The following TBC1D22A variants were observed in gnomAD, a reference collection of about 807,000 sequenced individuals.
The protein encoded by TBC1D22A is putative GTPase activator.
Under a neutral mutation model 60.2 loss-of-function variants are expected in TBC1D22A, and 38 were observed. The ratio of observed to expected loss-of-function variants is 0.63; its 90% CI spans 0.49 to 0.83. TBC1D22A has a LOEUF of 0.83. Ranked by LOEUF, TBC1D22A falls within the 40% of genes least tolerant of loss-of-function variation. The probability of loss-of-function intolerance (pLI) is 0.00; values close to 1 mark genes in which losing one functional copy is unlikely to be tolerated. For synonymous variants in TBC1D22A, 302 were observed against 281.7 expected (o/e 1.07, Z -0.72); for missense variants, 628 against 701.0 (o/e 0.90, Z 1.18).
intron 8 of TBC1D22A, among the ~76,000 whole-genome samples, chr22:46,923,667 C>T (rs1009322283): frequency 1.3e-5 from 2 of 152,378 alleles, no homozygotes; most frequent in East Asian, 1.9e-4. Context: ...AGGCAGCCGC[C>T]GTACCACTGT....
At chr22:46,768,441 C>T (rs956879182) in intron 1 of TBC1D22A, among the ~76,000 whole-genome samples, 3 of 147,394 alleles carry the variant, frequency 2.0e-5, no homozygotes, top group Admixed American at 1.4e-4. Context: ...GCCAAGGTCG[C>T]GCCACCGCCC....
intron 4 of TBC1D22A, among the ~76,000 whole-genome samples, chr22:46,856,658 C>G (rs1337650474): frequency 6.6e-6 from 1 of 152,114 alleles, no homozygotes; most frequent in Non-Finnish European, 1.5e-5. Context: ...TGGTACCAGA[C>G]GTGCAGATTA....
At chr22:46,968,372 A>G (rs186502068) in intron 8 of TBC1D22A, among the ~76,000 whole-genome samples, 1 of 152,348 alleles carries the variant, frequency 6.6e-6, no homozygotes, top group Non-Finnish European at 1.5e-5. Flanking sequence ...GCAGCGTGGC[A>G]TGGACCCCAC....
intron 11 of TBC1D22A, among the ~76,000 whole-genome samples, chr22:47,047,091 G>A (rs566763269): frequency 6.6e-6 from 1 of 152,328 alleles, no homozygotes; most frequent in African/African-American, 2.4e-5. Context: ...GCTTGGTTTC[G>A]TTTGCTGTGA....
chr22:47,055,637 G>A (rs1217364975), intron 11 of TBC1D22A, among the ~76,000 whole-genome samples: 1 of 152,110 alleles, frequency 6.6e-6, no homozygotes, highest in Non-Finnish European at 1.5e-5. Context: ...GTGTGGGGAG[G>A]CAGAGAGGTG....
chr22:47,125,713 A>G (rs1177713614), intron 12 of TBC1D22A, among the ~76,000 whole-genome samples: 1 of 152,200 alleles, frequency 6.6e-6, no homozygotes, highest in Non-Finnish European at 1.5e-5. Flanking sequence ...AAGGCAAGAG[A>G]AATTTGGGCC....
intron 10 of TBC1D22A, among the ~76,000 whole-genome samples, chr22:47,027,743 G>A (rs1569354615): frequency 6.6e-6 from 1 of 152,150 alleles, no homozygotes; most frequent in Non-Finnish European, 1.5e-5. Flanking sequence ...CAAATAAATC[G>A]GACCTTACCA....
At chr22:46,784,442 T>C (rs147068542) in intron 1 of TBC1D22A, among the ~76,000 whole-genome samples, 203 of 152,360 alleles carry the variant, frequency 1.3e-3, no homozygotes, top group Non-Finnish European at 2.3e-3. Context: ...TTTTAAAATA[T>C]CTTTAGTTGT....
At chr22:46,864,062 G>T (rs767204367) in intron 4 of TBC1D22A, among the ~76,000 whole-genome samples, 1 of 152,178 alleles carries the variant, frequency 6.6e-6, no homozygotes, top group African/African-American at 2.4e-5. Context: ...CATTTGTCCA[G>T]CACCTTTCCT....
At chr22:46,944,336 T>A (rs2072373436) in intron 8 of TBC1D22A, among the ~76,000 whole-genome samples, 1 of 152,264 alleles carries the variant, frequency 6.6e-6, no homozygotes, top group South Asian at 2.1e-4. Context: ...TTACATTTGA[T>A]ACTGATTGGA....
intron 11 of TBC1D22A, among the ~76,000 whole-genome samples, chr22:47,053,069 G>A (rs1212054763): frequency 6.6e-6 from 1 of 152,160 alleles, no homozygotes; most frequent in Non-Finnish European, 1.5e-5. Flanking sequence ...TTCACTGTGT[G>A]TGAGTGCTGC....
intron 10 of TBC1D22A, among the ~76,000 whole-genome samples, chr22:47,018,492 G>A (rs964419139): frequency 2.6e-5 from 4 of 152,026 alleles, no homozygotes; most frequent in Admixed American, 1.3e-4. Context: ...CGTTCGGCTC[G>A]GCTGTCCTGC....
intron 4 of TBC1D22A, among the ~76,000 whole-genome samples, chr22:46,874,595 G>C (rs1484368154): frequency 1.7e-5 from 1 of 59,850 alleles, no homozygotes; most frequent in Non-Finnish European, 2.9e-5. Context: ...TTTTTTTTGA[G>C]ACAAAGTCTT....
intron 9 of TBC1D22A, among the ~76,000 whole-genome samples, chr22:46,995,853 C>T (rs1011198960): frequency 2.0e-5 from 3 of 152,190 alleles, no homozygotes; most frequent in African/African-American, 4.8e-5. Context: ...GAGGCTGCCA[C>T]ACCACTCTCT....
At chr22:47,161,330 G>A (rs1281662286) in intron 12 of TBC1D22A, among the ~76,000 whole-genome samples, 5 of 98,056 alleles carry the variant, frequency 5.1e-5, no homozygotes, top group African/African-American at 2.5e-4. Flanking sequence ...GCTGCCGTGA[G>A]TCTCTTGGTA....
intron 4 of TBC1D22A, among the ~76,000 whole-genome samples, chr22:46,860,739 A>G (rs964602080): frequency 2.0e-5 from 3 of 152,070 alleles, no homozygotes; most frequent in Non-Finnish European, 4.4e-5. Flanking sequence ...CGTCCTGGAG[A>G]CTGGCTCTGG....
intron 7 of TBC1D22A, among the ~76,000 whole-genome samples, chr22:46,897,065 A>G (rs539680861): frequency 5.0e-4 from 76 of 152,172 alleles, no homozygotes; most frequent in Admixed American, 3.9e-4. Flanking sequence ...AATTTCCCCT[A>G]TGAAGCGTCT....
intron 12 of TBC1D22A, among the ~76,000 whole-genome samples, chr22:47,158,690 G>C (rs1204590975): frequency 6.6e-6 from 1 of 152,136 alleles, no homozygotes; most frequent in South Asian, 2.1e-4. Context: ...CACAGCTCTG[G>C]TTTCTTCGGC....
chr22:47,093,087 G>A lies in TBC1D22A; in HGVS notation c.1330-18421G>A, dbSNP rs943213318. 2.0e-5 allele frequency among the ~76,000 whole-genome samples: 3 copies of A among 152,352 alleles called. No homozygotes were observed. In the East Asian group the frequency reaches 5.8e-4, roughly 29 times the overall value. On this transcript the variant is annotated intron_variant, in intron 11 of 12. Transcript: ENST00000337137. Reference sequence around the variant, plus strand: ...CTTAGTGGCAGCTCTGGCCCCCACAGTCTACTTGAGCTTGTATAATTCATG... The same window carrying A: ...CTTAGTGGCAGCTCTGGCCCCCACAATCTACTTGAGCTTGTATAATTCATG...
Sources: gnomAD v4.1 joint callset for allele counts (sites outside exome capture counted in the v4.1 genomes callset) on GRCh38, gnomAD v4.1.1 for gene constraint, MANE v1.5 for transcripts, NCBI Gene and HGNC (gene_info 2026-07-23, HGNC 2026-07-21) for gene names.